MMP26: variants seen among roughly 807,000 people sequenced by gnomAD.
The protein encoded by MMP26 is matrix metallopeptidase 26, also known as matrix metalloproteinase-26.
A neutral mutation model predicts 31.0 loss-of-function variants in MMP26; 33 were observed. The observed-to-expected ratio is 1.06, with a 90% CI of 0.81 to 1.42. MMP26 has a LOEUF of 1.42. MMP26 is among the 40% of genes most tolerant of loss of function. MMP26 has a pLI of 0.00. For missense variants in MMP26, 347 were observed against 316.1 expected (o/e 1.10, Z -0.74); for synonymous variants, 122 against 114.9 (o/e 1.06, Z -0.40).
chr11:4,831,300 C>T (rs1849643351), intron 2 of MMP26, among the ~76,000 whole-genome samples: 1 of 152,100 alleles, frequency 6.6e-6, no homozygotes, highest in Admixed American at 6.6e-5. Flanking sequence ...TCAGAGGAGC[C>T]CTTCCTCCTC....
intron 2 of MMP26, among the ~76,000 whole-genome samples, chr11:4,918,316 A>G (rs1851129260): frequency 6.6e-6 from 1 of 152,130 alleles, no homozygotes; most frequent in South Asian, 2.1e-4. Context: ...TGGAGGTTAA[A>G]TTAGAAAGAT....
At chr11:4,736,302 T>C (rs1192219309) in intron 1 of MMP26, 1 of 152,170 alleles carries the variant, frequency 6.6e-6, no homozygotes, top group Non-Finnish European at 1.5e-5. Flanking sequence ...AGGCGCTCTT[T>C]TCCCAAACCT....
At chr11:4,958,039 C>A (rs1846467858) in intron 2 of MMP26, among the ~76,000 whole-genome samples, 1 of 152,296 alleles carries the variant, frequency 6.6e-6, no homozygotes, top group African/African-American at 2.4e-5. Context: ...GGCCAGAATT[C>A]ACTCCCAACA....
chr11:4,851,029 G>A (rs1849968690), intron 2 of MMP26, among the ~76,000 whole-genome samples: 2 of 152,156 alleles, frequency 1.3e-5, no homozygotes, highest in East Asian at 1.9e-4. Context: ...CCAGTGTGAT[G>A]GAGTGAGGAG....
rs141512196 is a variant in MMP26, at chr11:4,873,443, C to G, written c.-145+106102C>G. Among the ~76,000 whole-genome samples the G allele has an allele frequency of 1.3e-4, 20 of 152,158 alleles. No homozygotes were observed. In the South Asian group the frequency reaches 3.9e-3, roughly 30 times the overall value. On this transcript the variant is annotated intron_variant, in intron 2 of 7. Transcript: ENST00000380390. The stretch of plus-strand genomic sequence containing the variant: ...AAGTGCAAAGTCATTGAGACAGATC[C>G]ACCAAATCCACTGTCTTGAACCCTG...
At chr11:4,965,245 A>T (rs1448362969) in intron 2 of MMP26, among the ~76,000 whole-genome samples, 1 of 152,180 alleles carries the variant, frequency 6.6e-6, no homozygotes, top group Non-Finnish European at 1.5e-5. Flanking sequence ...TATGTGGTCT[A>T]GCCCTTAGAA....
chr11:4,779,301 A>C (rs1019268640), intron 2 of MMP26, among the ~76,000 whole-genome samples: 10 of 150,538 alleles, frequency 6.6e-5, no homozygotes, highest in African/African-American at 2.4e-4. Context: ...CACTTTTTTC[A>C]TATGGAGAAT....
chr11:4,733,734 G>A (rs1033946278), intron 1 of MMP26, among the ~76,000 whole-genome samples: 1 of 152,152 alleles, frequency 6.6e-6, no homozygotes, highest in African/African-American at 2.4e-5. Flanking sequence ...ATGGATGAGA[G>A]TGGACATCCT....
At chr11:4,727,047 T>TATA (rs1564895768) in intron 1 of MMP26, among the ~76,000 whole-genome samples, 5 of 151,978 alleles carry the variant, frequency 3.3e-5, no homozygotes, top group African/African-American at 7.3e-5. Context: ...CAAAAATCCG[T>TATA]AAAAAACAAG....
intron 2 of MMP26, among the ~76,000 whole-genome samples, chr11:4,910,307 A>C (rs1201617802): frequency 6.6e-6 from 1 of 152,092 alleles, no homozygotes; most frequent in Non-Finnish European, 1.5e-5. Context: ...TCTACTTCTA[A>C]GGATTCATAT....
intron 2 of MMP26, chr11:4,803,922 C>T (rs1849223483): frequency 6.2e-7 from 1 of 1,613,286 alleles, no homozygotes; most frequent in Non-Finnish European, 8.5e-7. Flanking sequence ...GCAGCCCTCT[C>T]AGCATCACGA....
intron 2 of MMP26, chr11:4,915,664 T>C: frequency 6.2e-7 from 1 of 1,606,866 alleles, no homozygotes; most frequent in South Asian, 1.1e-5. Flanking sequence ...CCAGGGTCAT[T>C]GTGTGAGGAG....
chr11:4,776,549 G>A (rs1056136236), intron 2 of MMP26, among the ~76,000 whole-genome samples: 1 of 152,046 alleles, frequency 6.6e-6, no homozygotes, highest in African/African-American at 2.4e-5. Flanking sequence ...TTAGTGATAT[G>A]GTTTGGCTCT....
intron 1 of MMP26, among the ~76,000 whole-genome samples, chr11:4,729,573 C>T (rs1056328859): frequency 3.3e-5 from 5 of 152,116 alleles, no homozygotes; most frequent in Admixed American, 3.3e-4. Context: ...GATAGCTAGC[C>T]TGCAAGGTTC....
chr11:4,856,312 G>A (rs977033766), intron 2 of MMP26, among the ~76,000 whole-genome samples: 10 of 152,174 alleles, frequency 6.6e-5, no homozygotes, highest in African/African-American at 2.4e-4. Context: ...TCAGTGTGCT[G>A]TATTCAGGAG....
intron 1 of MMP26, chr11:4,718,893 C>A: frequency 5.6e-6 from 1 of 177,482 alleles, no homozygotes. Flanking sequence ...TGAGGGAAAT[C>A]AGCTTTAATG....
intron 2 of MMP26, among the ~76,000 whole-genome samples, chr11:4,824,844 G>A (rs1263718062): frequency 6.6e-6 from 1 of 151,996 alleles, no homozygotes; most frequent in East Asian, 1.9e-4. Context: ...ATGCCTTCAT[G>A]TCAATAAACT....
In MMP26 at chr11:4,737,860, T is replaced by C. The variant is rs186154209; in HGVS notation, c.-216-29410T>C. ...ATTATTTAAGAAAAATATACATGTA[T>C]GTGAATATTTGTTTAAAAACTCTAC... On this transcript the variant is annotated intron_variant, in intron 1 of 7. Coordinates refer to ENST00000380390, the MANE Select transcript of MMP26 (RefSeq NM_021801.5). 2.7e-4 allele frequency among the ~76,000 whole-genome samples: 41 copies of C among 152,362 alleles called. No homozygotes were observed. In the East Asian group the frequency reaches 7.9e-3, roughly 29 times the overall value.
intron 1 of MMP26, among the ~76,000 whole-genome samples, chr11:4,761,091 C>T (rs542832560): frequency 6.6e-6 from 1 of 152,116 alleles, no homozygotes; most frequent in East Asian, 1.9e-4. Context: ...AGGTCAGGGA[C>T]CAAGGGTAAG....
Sources: allele counts gnomAD v4.1 joint callset (sites outside exome capture counted in the v4.1 genomes callset), GRCh38; gene constraint gnomAD v4.1.1; transcripts MANE v1.5; gene names NCBI Gene and HGNC (gene_info 2026-07-23, HGNC 2026-07-21).